Variants in GALNT11 observed in about 807,000 individuals in gnomAD.
GALNT11 encodes polypeptide N-acetylgalactosaminyltransferase 11.
GALNT11 carries 47 observed loss-of-function variants against 72.7 expected under a neutral mutation model. The ratio of observed to expected loss-of-function variants is 0.65; its 90% CI spans 0.51 to 0.82. The LOEUF (loss-of-function observed/expected upper bound fraction) is 0.82. Among genes scored for constraint, GALNT11 ranks in the 40% least tolerant of loss-of-function variants. GALNT11 has a pLI of 0.00. For synonymous variants in GALNT11, 270 were observed against 286.6 expected, an observed-to-expected ratio of 0.94 and a Z score of 0.58; for missense variants, 677 against 778.4, an observed-to-expected ratio of 0.87 and a Z score of 1.55.
chr7:152,044,471 G>T (rs1001319310), intron 1 of GALNT11, among the ~76,000 whole-genome samples: 2 of 152,184 alleles, frequency 1.3e-5, no homozygotes, highest in African/African-American at 4.8e-5. Flanking sequence ...GTGCTGCAGA[G>T]ATTTTGTTTA....
chr7:152,027,270 T>C (rs2082066810), intron 1 of GALNT11, among the ~76,000 whole-genome samples: 1 of 152,198 alleles, frequency 6.6e-6, no homozygotes, highest in Non-Finnish European at 1.5e-5. Flanking sequence ...TTTTTAATTT[T>C]TGTGGGTACA....
At chr7:152,072,098 TCA>T (rs1288108843) in intron 1 of GALNT11, among the ~76,000 whole-genome samples, 1 of 151,100 alleles carries the variant, frequency 6.6e-6, no homozygotes, top group African/African-American at 2.4e-5. Flanking sequence ...GGCAGGTGGA[TCA>T]CTTGAGGTCA....
At chr7:152,117,566 T>TG (rs1221503719) in intron 9 of GALNT11, 191 bp downstream of exon 9, 2 of 605,544 alleles carry the variant, frequency 3.3e-6, no homozygotes, top group East Asian at 5.7e-5. Flanking sequence ...TGTAGATCCT[T>TG]GCCTTGCCGG....
chr7:152,120,903 TCATCAGACCCGCC>T lies in GALNT11; in HGVS notation c.1631_1643del (p.Ser544TyrfsTer4). The T allele has an allele frequency of 2.5e-6, 4 of 1,613,696 alleles. No homozygotes were observed. The highest frequency in any genetic ancestry group is 3.4e-6 in the Non-Finnish European group (4 of 1,179,702). On this transcript the variant is annotated frameshift_variant, in exon 11 of 12. Transcript: ENST00000430044. LOFTEE classifies it high-confidence loss of function. ...TTGTCTAGATATGTCAGAGACTCGC[TCATCAGACCCGCC>T]ACGGCTCATGAAATGCCACGGGTCA... is the stretch of plus-strand genomic sequence containing the variant.
At chr7:152,064,815 G>A (rs939437645) in intron 1 of GALNT11, among the ~76,000 whole-genome samples, 2 of 152,212 alleles carry the variant, frequency 1.3e-5, no homozygotes, top group African/African-American at 4.8e-5. Context: ...TTTCTGCTGA[G>A]AGATCCGCTG....
At chr7:152,036,697 T>C (rs1238341590) in intron 1 of GALNT11, among the ~76,000 whole-genome samples, 3 of 152,202 alleles carry the variant, frequency 2.0e-5, no homozygotes, top group African/African-American at 7.2e-5. Context: ...TAATTTACAT[T>C]CCCACCAATG....
intron 2 of GALNT11, among the ~76,000 whole-genome samples, chr7:152,095,462 T>C (rs2086310384): frequency 6.6e-6 from 1 of 152,146 alleles, no homozygotes; most frequent in African/African-American, 2.4e-5. Flanking sequence ...TTTCACTTGG[T>C]CATAGTTTCA....
At chr7:152,039,482 G>T (rs774933606) in intron 1 of GALNT11, among the ~76,000 whole-genome samples, 2 of 152,120 alleles carry the variant, frequency 1.3e-5, no homozygotes, top group East Asian at 3.9e-4. Flanking sequence ...GAAGGCAGTG[G>T]TGATCACCGC....
chr7:152,075,720 C>T (rs976638838), intron 1 of GALNT11, among the ~76,000 whole-genome samples: 11 of 150,728 alleles, frequency 7.3e-5, no homozygotes, highest in Admixed American at 2.0e-4. Flanking sequence ...CGCTTGAACC[C>T]GGGAGGCGGA....
intron 1 of GALNT11, among the ~76,000 whole-genome samples, chr7:152,078,315 C>T (rs1253954969): frequency 6.6e-6 from 1 of 152,106 alleles, no homozygotes; most frequent in Non-Finnish European, 1.5e-5. Context: ...GATTCTTCTG[C>T]CTCAGCCTCC....
At chr7:152,073,679 A>G (rs888821541) in intron 1 of GALNT11, among the ~76,000 whole-genome samples, 6 of 152,308 alleles carry the variant, frequency 3.9e-5, no homozygotes, top group African/African-American at 1.2e-4. Context: ...TTGCTGGTTC[A>G]TATGGTATGC....
At chr7:152,061,170 T>C (rs1244177827) in intron 1 of GALNT11, among the ~76,000 whole-genome samples, 2 of 150,990 alleles carry the variant, frequency 1.3e-5, no homozygotes, top group East Asian at 1.9e-4. Flanking sequence ...GCCATTCTAA[T>C]TGGTGTGAGA....
At chr7:152,078,363 A>G (rs2085109624) in intron 1 of GALNT11, among the ~76,000 whole-genome samples, 1 of 152,068 alleles carries the variant, frequency 6.6e-6, no homozygotes, top group African/African-American at 2.4e-5. Context: ...CACCATGCCC[A>G]GCAAATTTTG....
chr7:152,066,039 G>A (rs2084288133), intron 1 of GALNT11, among the ~76,000 whole-genome samples: 1 of 152,244 alleles, frequency 6.6e-6, no homozygotes, highest in South Asian at 2.1e-4. Flanking sequence ...GCCCCCAGAG[G>A]TGGAGTCTAC....
intron 4 of GALNT11, chr7:152,104,253 G>A (rs1472217319): frequency 1.3e-5 from 2 of 152,222 alleles, no homozygotes; most frequent in Non-Finnish European, 2.9e-5. Flanking sequence ...GGTCTGCATA[G>A]CTCCAAGCCT....
At chr7:152,049,566 T>TG (rs1193317684) in intron 1 of GALNT11, among the ~76,000 whole-genome samples, 2 of 152,142 alleles carry the variant, frequency 1.3e-5, no homozygotes, top group African/African-American at 4.8e-5. Context: ...GAGATTACAC[T>TG]GGGGCAGACC....
At chr7:152,103,571 A>G (rs770082615) in intron 4 of GALNT11, 85 of 300,050 alleles carry the variant, frequency 2.8e-4, no homozygotes, top group Non-Finnish European at 4.2e-4. Flanking sequence ...AAGACGGCCT[A>G]TGTACCTTTA....
chr7:152,073,276 C>T (rs1259647422), intron 1 of GALNT11, among the ~76,000 whole-genome samples: 1 of 152,168 alleles, frequency 6.6e-6, no homozygotes, highest in South Asian at 2.1e-4. Flanking sequence ...AATTTTGTAA[C>T]CTTTAACAAA....
At chr7:152,070,200 G>A (rs1241205035) in intron 1 of GALNT11, among the ~76,000 whole-genome samples, 1 of 152,038 alleles carries the variant, frequency 6.6e-6, no homozygotes, top group Non-Finnish European at 1.5e-5. Flanking sequence ...GTTTTACTGT[G>A]TTAGCCAGGA....
Sources: allele counts gnomAD v4.1 joint callset (sites outside exome capture counted in the v4.1 genomes callset), GRCh38; gene constraint gnomAD v4.1.1; transcripts MANE v1.5; gene names NCBI Gene and HGNC (gene_info 2026-07-23, HGNC 2026-07-21).